Variants in BCAT1 observed in about 807,000 individuals in gnomAD.
The protein encoded by BCAT1 is branched chain amino acid transaminase 1.
A neutral mutation model predicts 52.4 loss-of-function variants in BCAT1; 48 were observed. That is an observed-to-expected ratio of 0.92 (90% confidence interval 0.73 to 1.16). The LOEUF is 1.16. Among genes scored for constraint, BCAT1 ranks in the 50% most tolerant of loss-of-function variants. The pLI, the probability that BCAT1 is intolerant of heterozygous loss-of-function variation, is 0.00. For missense variants in BCAT1, 451 were observed against 457.1 expected, an observed-to-expected ratio of 0.99 and a Z score of 0.12; for synonymous variants, 167 against 161.3, an observed-to-expected ratio of 1.04 and a Z score of -0.27.
chr12:24,907,932 A>ACG (rs1385365040), intron 1 of BCAT1, among the ~76,000 whole-genome samples: 12 of 152,160 alleles, frequency 7.9e-5, no homozygotes, highest in African/African-American at 2.7e-4. Context: ...CTTCACACGA[A>ACG]CACACATGAC....
intron 3 of BCAT1, among the ~76,000 whole-genome samples, chr12:24,893,791 T>C (rs1198361440): frequency 6.6e-6 from 1 of 152,182 alleles, no homozygotes; most frequent in Non-Finnish European, 1.5e-5. Context: ...CTTTAAACAT[T>C]TTATGCTTAA....
chr12:24,930,870 C>A (rs577740768), intron 1 of BCAT1, among the ~76,000 whole-genome samples: 1 of 149,548 alleles, frequency 6.7e-6, no homozygotes, highest in Admixed American at 6.7e-5. Context: ...CCATGCTCCG[C>A]ACTGAAGCCT....
chr12:24,871,952 AAT>A lies in BCAT1; in HGVS notation c.510+6576_510+6577del, dbSNP rs748410946. Among the ~76,000 whole-genome samples the A allele has an allele frequency of 3.3e-4, 50 of 152,084 alleles. 1 individual carries two copies. The highest frequency in any genetic ancestry group is 1.1e-3 in the African/African-American group (47 of 41,492). The stretch of plus-strand genomic sequence containing the variant: ...ACTGAATATTGTTTATAAACAGTGG[AAT>A]ATATATATATGTATATGTATTTCAC... On this transcript the variant is annotated intron_variant, in intron 5 of 10. Coordinates refer to ENST00000261192, the MANE Select transcript of BCAT1 (RefSeq NM_005504.7).
Position 24,817,491 on chromosome 12 carries a change from C to A in BCAT1, c.*517G>T, listed in dbSNP as rs1939920594. ...AAACAGATATTTACCTTAACACGGA[C>A]TTGGAGGACCTTCAAAAAACAGTGA... On this transcript the variant is annotated 3_prime_UTR_variant, in exon 11 of 11. Transcript: ENST00000261192. The A allele has an allele frequency of 6.4e-6, 1 of 156,810 alleles. No individual in the cohort carries two copies. Among genetic ancestry groups the A allele is most frequent in the Non-Finnish European group, 1.4e-5 (1 of 70,862 alleles). 9.7% of individuals were successfully genotyped at this position (156,810 alleles called of 1,614,324 possible).
intron 2 of BCAT1, among the ~76,000 whole-genome samples, chr12:24,896,028 AT>A (rs1307841097): frequency 1.3e-5 from 2 of 151,606 alleles, no homozygotes; most frequent in African/African-American, 2.4e-5. Context: ...ATTATTTTGT[AT>A]TTTTTTTAGA....
chr12:24,937,152 A>G (rs12321766), intron 1 of BCAT1, among the ~76,000 whole-genome samples: 83,433 of 152,002 alleles, frequency 0.55, 23,130 homozygotes, highest in South Asian at 0.7. Flanking sequence ...TACAATCATT[A>G]CAAGTTGAGA....
chr12:24,842,282 T>G (rs956484961), intron 6 of BCAT1, 58 bp from the exon 7 acceptor site: 21 of 1,578,056 alleles, frequency 1.3e-5, no homozygotes, highest in Middle Eastern at 1.7e-4. Context: ...CTCCCTCATC[T>G]TCTACCCTCT....
chr12:24,937,337 G>A (rs1943775163), intron 1 of BCAT1, among the ~76,000 whole-genome samples: 1 of 152,192 alleles, frequency 6.6e-6, no homozygotes, highest in Admixed American at 6.5e-5. Context: ...AAAAGAGTTT[G>A]GGGGATGAGG....
chr12:24,887,259 G>A (rs1175297678), intron 3 of BCAT1, among the ~76,000 whole-genome samples: 1 of 151,154 alleles, frequency 6.6e-6, no homozygotes, highest in Non-Finnish European at 1.5e-5. Flanking sequence ...TTGTAGCACA[G>A]GGCAGAACTG....
At chr12:24,887,962 G>C (rs1340192470) in intron 3 of BCAT1, among the ~76,000 whole-genome samples, 3 of 152,186 alleles carry the variant, frequency 2.0e-5, no homozygotes, top group Non-Finnish European at 4.4e-5. Context: ...GGTCCGATGA[G>C]TGAAGGAGAA....
chr12:24,933,222 G>A (rs887892626), intron 1 of BCAT1, among the ~76,000 whole-genome samples: 3 of 139,658 alleles, frequency 2.1e-5, no homozygotes, highest in African/African-American at 8.0e-5. Context: ...TCGGGCCTCA[G>A]CCTCCCAATG....
At chr12:24,922,266 G>T (rs1301113005) in intron 1 of BCAT1, among the ~76,000 whole-genome samples, 2 of 152,136 alleles carry the variant, frequency 1.3e-5, no homozygotes, top group African/African-American at 4.8e-5. Flanking sequence ...CTAGGCTCAA[G>T]CGATCCACCT....
chr12:24,939,032 C>T (rs1943811709), intron 1 of BCAT1, among the ~76,000 whole-genome samples: 1 of 152,132 alleles, frequency 6.6e-6, no homozygotes, highest in Non-Finnish European at 1.5e-5. Flanking sequence ...TGCCACCACA[C>T]CCAGCTAATT....
At chr12:24,822,811 A>G (rs1337795179) in intron 10 of BCAT1, among the ~76,000 whole-genome samples, 1 of 152,184 alleles carries the variant, frequency 6.6e-6, no homozygotes, top group African/African-American at 2.4e-5. Flanking sequence ...GGTTCTGAAT[A>G]TATCATTTAG....
At chr12:24,848,345 A>G (rs1261812206) in intron 6 of BCAT1, among the ~76,000 whole-genome samples, 4 of 152,234 alleles carry the variant, frequency 2.6e-5, no homozygotes, top group Non-Finnish European at 5.9e-5. Context: ...GTGGTCCACA[A>G]GTCCACAGTT....
At chr12:24,942,993 A>G (rs964586456) in intron 1 of BCAT1, among the ~76,000 whole-genome samples, 10 of 152,242 alleles carry the variant, frequency 6.6e-5, no homozygotes, top group Admixed American at 2.0e-4. Context: ...TTCTGCTTAT[A>G]TAGTTTCATA....
chr12:24,883,786 A>G (rs953735585), intron 3 of BCAT1, among the ~76,000 whole-genome samples: 10 of 152,092 alleles, frequency 6.6e-5, no homozygotes, highest in African/African-American at 2.4e-4. Context: ...TCAGATCATC[A>G]AGCATTAGAT....
intron 1 of BCAT1, among the ~76,000 whole-genome samples, chr12:24,942,643 A>G (rs573080492): frequency 2.6e-5 from 4 of 152,282 alleles, no homozygotes; most frequent in African/African-American, 9.6e-5. Context: ...ACATGGCCAT[A>G]CTGGCCTTCT....
chr12:24,912,314 A>AC (rs1943339954), intron 1 of BCAT1, among the ~76,000 whole-genome samples: 1 of 152,100 alleles, frequency 6.6e-6, no homozygotes, highest in Non-Finnish European at 1.5e-5. Flanking sequence ...GGAGATTGAG[A>AC]CCATCCTGTC....
Sources: gnomAD v4.1 joint callset for allele counts (sites outside exome capture counted in the v4.1 genomes callset) on GRCh38, gnomAD v4.1.1 for gene constraint, MANE v1.5 for transcripts, NCBI Gene and HGNC (gene_info 2026-07-23, HGNC 2026-07-21) for gene names.